The following DOCK1 variants were observed in gnomAD, a reference collection of about 807,000 sequenced individuals.
DOCK1 encodes the protein dedicator of cytokinesis protein 1.
In DOCK1, 138 loss-of-function variants were observed where a neutral mutation model predicts 262.7. The ratio of observed to expected loss-of-function variants is 0.53; its 90% confidence interval spans 0.46 to 0.61. The LOEUF is 0.61. DOCK1 is among the 20% of genes least tolerant of loss of function. The pLI, the probability that DOCK1 is intolerant of heterozygous loss-of-function variation, is 0.00. For missense variants in DOCK1, 1,908 were observed against 2,370.7 expected (o/e 0.80, Z 4.05); for synonymous variants, 866 against 867.4 (o/e 1.00, Z 0.03).
chr10:127,271,049 G>A (rs1469498512), intron 29 of DOCK1, among the ~76,000 whole-genome samples: 3 of 151,498 alleles, frequency 2.0e-5, no homozygotes, highest in Non-Finnish European at 4.4e-5. Context: ...ATATATAAAT[G>A]TATCTGTGTT....
At chr10:127,029,466 C>T (rs1289672509) in intron 16 of DOCK1, among the ~76,000 whole-genome samples, 7 of 152,342 alleles carry the variant, frequency 4.6e-5, no homozygotes, top group South Asian at 2.1e-4. Flanking sequence ...AGCAACCTGT[C>T]GGCAACTCCA....
intron 19 of DOCK1, among the ~76,000 whole-genome samples, chr10:127,041,851 G>A (rs1004110408): frequency 3.3e-5 from 5 of 152,044 alleles, no homozygotes; most frequent in East Asian, 1.9e-4. Context: ...CCAGTATTTC[G>A]TTGTGTGGCG....
chr10:126,930,698 C>G (rs1438446339), intron 1 of DOCK1, among the ~76,000 whole-genome samples: 1 of 152,144 alleles, frequency 6.6e-6, no homozygotes, highest in Non-Finnish European at 1.5e-5. Flanking sequence ...GAGTCCAGGC[C>G]AAGGCAAGGT....
At position 127,105,174 on chromosome 10, in the gene DOCK1, A is replaced by T. The variant is rs1592045025; in HGVS notation, c.2446-1057A>T. ...TAAGATGTGCTTTTGCTCCTCCTTCACCTTCCACCATGATTATGAGGCCTT... is the reference window on the plus strand; with the variant it reads ...TAAGATGTGCTTTTGCTCCTCCTTCTCCTTCCACCATGATTATGAGGCCTT... On this transcript the variant is annotated intron_variant, in intron 23 of 51. Transcript: ENST00000623213. Among the ~76,000 whole-genome samples the T allele has an allele frequency of 2.0e-5, 3 of 152,170 alleles. No homozygotes were observed. The South Asian group carries it at 6.2e-4, about 32-fold the overall frequency.
intron 1 of DOCK1, among the ~76,000 whole-genome samples, chr10:126,913,887 G>A (rs112507100): frequency 6.6e-6 from 1 of 152,188 alleles, no homozygotes. Flanking sequence ...ATGTCACCTT[G>A]GGGGTTATTT....
At chr10:127,050,083 T>G (rs943861832) in intron 21 of DOCK1, among the ~76,000 whole-genome samples, 4 of 150,220 alleles carry the variant, frequency 2.7e-5, no homozygotes, top group African/African-American at 9.8e-5. Context: ...GAACCGGCTC[T>G]CAGAGGTTGG....
chr10:127,315,775 G>T (rs1486872411), intron 29 of DOCK1, among the ~76,000 whole-genome samples: 2 of 152,140 alleles, frequency 1.3e-5, no homozygotes, highest in Non-Finnish European at 2.9e-5. Context: ...TCGGCTCACT[G>T]CAACCTCCGC....
chr10:127,319,655 G>A (rs567963167), intron 29 of DOCK1, among the ~76,000 whole-genome samples: 1 of 152,230 alleles, frequency 6.6e-6, no homozygotes, highest in East Asian at 1.9e-4. Context: ...ACGGAACAAG[G>A]AAAACCTGAA....
intron 27 of DOCK1, chr10:127,196,206 G>T (rs1231080672): frequency 6.7e-6 from 1 of 149,596 alleles, no homozygotes; most frequent in Non-Finnish European, 1.5e-5. Context: ...TGCCGGCCCG[G>T]CCCTGCTGGC....
At chr10:127,237,188 G>T (rs189346443) in intron 27 of DOCK1, among the ~76,000 whole-genome samples, 4 of 151,878 alleles carry the variant, frequency 2.6e-5, no homozygotes, top group Non-Finnish European at 4.4e-5. Context: ...GGGAAACCCT[G>T]TCTCTACTAA....
chr10:127,435,145 T>G (rs568935356), intron 48 of DOCK1, among the ~76,000 whole-genome samples: 1 of 152,336 alleles, frequency 6.6e-6, no homozygotes, highest in Admixed American at 6.5e-5. Flanking sequence ...TTTTTTTGTA[T>G]TTTTGAGCGG....
At chr10:127,301,945 C>CAAA (rs532284873) in intron 29 of DOCK1, among the ~76,000 whole-genome samples, 1 of 89,452 alleles carries the variant, frequency 1.1e-5, no homozygotes, top group African/African-American at 3.8e-5. Context: ...GACTCCATCT[C>CAAA]AAAAAAAAAA....
At chr10:126,982,641 C>A (rs1336877796) in intron 4 of DOCK1, among the ~76,000 whole-genome samples, 1 of 152,172 alleles carries the variant, frequency 6.6e-6, no homozygotes, top group Non-Finnish European at 1.5e-5. Flanking sequence ...ATAATGACAT[C>A]TCTTTGGCTG....
chr10:127,059,454 T>C (rs1012783655), intron 22 of DOCK1, among the ~76,000 whole-genome samples: 1 of 152,190 alleles, frequency 6.6e-6, no homozygotes, highest in African/African-American at 2.4e-5. Flanking sequence ...ATCTCCTCAA[T>C]ATGCCTGCAC....
intron 27 of DOCK1, among the ~76,000 whole-genome samples, chr10:127,161,277 T>C (rs1008106476): frequency 6.6e-6 from 1 of 152,214 alleles, no homozygotes. Flanking sequence ...AGCCAATTTA[T>C]GGTTGCTAAA....
At chr10:127,376,771 A>T (rs1451842156) in intron 35 of DOCK1, among the ~76,000 whole-genome samples, 1 of 152,212 alleles carries the variant, frequency 6.6e-6, no homozygotes, top group African/African-American at 2.4e-5. Flanking sequence ...TAGTCTTCCA[A>T]CTTTGATGAT....
chr10:127,274,863 G>T (rs1590228732), intron 29 of DOCK1, among the ~76,000 whole-genome samples: 1 of 152,256 alleles, frequency 6.6e-6, no homozygotes, highest in Non-Finnish European at 1.5e-5. Flanking sequence ...ATAAGAATTT[G>T]TGGGGTAGGG....
chr10:126,941,619 G>A (rs1188943102), intron 1 of DOCK1, among the ~76,000 whole-genome samples: 3 of 152,110 alleles, frequency 2.0e-5, no homozygotes, highest in Admixed American at 6.5e-5. Context: ...AGCCAGGCGT[G>A]GTGGCGGGTG....
At chr10:127,362,457 T>C (rs1036883837) in intron 33 of DOCK1, among the ~76,000 whole-genome samples, 1 of 152,228 alleles carries the variant, frequency 6.6e-6, no homozygotes, top group Admixed American at 6.5e-5. Flanking sequence ...TAATCTGGGT[T>C]TACTTACACA....
Sources: gnomAD v4.1 joint callset for allele counts (sites outside exome capture counted in the v4.1 genomes callset) on GRCh38, gnomAD v4.1.1 for gene constraint, MANE v1.5 for transcripts, NCBI Gene and HGNC (gene_info 2026-07-23, HGNC 2026-07-21) for gene names.